The following FLYWCH1 variants were observed in gnomAD, a reference collection of about 807,000 sequenced individuals.
The protein encoded by FLYWCH1 is FLYWCH-type zinc finger 1.
Under a neutral mutation model 66.4 loss-of-function variants are expected in FLYWCH1, and 75 were observed. The observed-to-expected ratio is 1.13, with a 90% confidence interval of 0.94 to 1.37. The LOEUF (loss-of-function observed/expected upper bound fraction) is 1.37, where lower values mean the gene tolerates loss of function less well. Ranked by LOEUF, FLYWCH1 falls within the 40% of genes most tolerant of loss-of-function variation. FLYWCH1 has a pLI of 0.00. For synonymous variants in FLYWCH1, 595 were observed against 429.9 expected (o/e 1.38, Z -4.75); for missense variants, 1,334 against 1,001.8 (o/e 1.33, Z -4.48).
intron 6 of FLYWCH1, chr16:2,936,430 T>C (rs739716): frequency 0.25 from 111,314 of 454,310 alleles, 15,532 homozygotes; most frequent in Admixed American, 0.34. Flanking sequence ...TTGAAGGTAG[T>C]TCCACAGCCA....
chr16:2,921,710 A>G (rs1177003973), intron 2 of FLYWCH1, among the ~76,000 whole-genome samples: 1 of 148,028 alleles, frequency 6.8e-6, no homozygotes, highest in East Asian at 2.0e-4. Context: ...TGTAGTGATC[A>G]CGCCACCACA....
At chr16:2,936,943 C>T in intron 6 of FLYWCH1, 178 bp from the exon 7 acceptor site, 1 of 841,692 alleles carries the variant, frequency 1.2e-6, no homozygotes, top group Non-Finnish European at 1.8e-6. Context: ...GGAGGCGGAC[C>T]CCAGCAGCTG....
chr16:2,935,090 T>A (rs1053056939), intron 6 of FLYWCH1: 1 of 153,264 alleles, frequency 6.5e-6, no homozygotes, highest in South Asian at 2.0e-4. Context: ...CGCCCAGCTA[T>A]TTTTGTATAT....
At chr16:2,946,316 CTTTTTTTTT>C (rs58279573) in intron 9 of FLYWCH1, among the ~76,000 whole-genome samples, 1 of 75,548 alleles carries the variant, frequency 1.3e-5, no homozygotes, top group Admixed American at 1.8e-4. Context: ...GTGGGCTGTA[CTTTTTTTTT>C]TTTTTTTTTT....
In FLYWCH1 at chr16:2,948,910, C is replaced by T. The variant is rs9928269; in HGVS notation, c.*183C>T. ...GAATTCTTGGATGGTGTCCTCATGT[C>T]GGCGGAGAACAGTGCTCAGAGCTGG... is the stretch of plus-strand genomic sequence containing the variant. On this transcript the variant is annotated 3_prime_UTR_variant, in exon 10 of 10. Coordinates refer to ENST00000253928, the MANE Select transcript of FLYWCH1 (RefSeq NM_001308068.2). 133,286 of 593,528 alleles carry T rather than the reference C, an allele frequency of 0.22. 18,686 individuals carry two copies. Among genetic ancestry groups the T allele is most frequent in the East Asian group, 0.44 (15,299 of 34,532 alleles). 36.8% of individuals were successfully genotyped at this position (593,528 alleles called of 1,614,324 possible).
chr16:2,930,513 G>T lies in FLYWCH1; in HGVS notation c.429G>T (p.Val143=). The change falls in exon 4 of 10, where the codon GTG becomes GTT. Residue 143 remains valine (V), a synonymous_variant. Coordinates refer to ENST00000253928, the MANE Select transcript of FLYWCH1 (RefSeq NM_001308068.2). ...YKQEKAVGDK[V]YWKCRQHAEL... is the part of the protein sequence containing the mutation. The stretch of plus-strand genomic sequence containing the variant: ...AGGAGAAGGCAGTGGGGGACAAGGT[G>T]TACTGGAAGTGCCGCCAACATGCTG... 1 of 1,542,688 alleles carries T rather than the reference G, an allele frequency of 6.5e-7. No homozygotes were observed. The highest frequency in any genetic ancestry group is 8.7e-7 in the Non-Finnish European group (1 of 1,149,436).
At chr16:2,927,264 A>G (rs1418088505) in intron 2 of FLYWCH1, among the ~76,000 whole-genome samples, 1 of 152,206 alleles carries the variant, frequency 6.6e-6, no homozygotes, top group Non-Finnish European at 1.5e-5. Context: ...GCACGCGATC[A>G]TTGATGAAGC....
rs1178516607 is a variant in FLYWCH1 at position 2,938,290 on chromosome 16, C to T, written c.1884C>T (p.Tyr628=). The T allele has an allele frequency of 7.4e-6, 12 of 1,612,116 alleles. No homozygotes were observed. Among genetic ancestry groups the T allele is most frequent in the South Asian group, 5.5e-5 (5 of 90,962 alleles). ...AGAAGGCGGCTGGGGAGAAGGTGTACTGGATGTGCCGGGACCAGGCTCGGC... is the reference window on the plus strand; with the variant it reads ...AGAAGGCGGCTGGGGAGAAGGTGTATTGGATGTGCCGGGACCAGGCTCGGC... ...RKEKAAGEKV[Y]WMCRDQARLG... Residue 628 remains tyrosine (Y), a synonymous_variant, in exon 8 of 10, where the codon TAC becomes TAT. Transcript: ENST00000253928.
chr16:2,930,911 A>G (rs113349560), intron 4 of FLYWCH1, 31 bp downstream of exon 4: 4 of 1,522,960 alleles, frequency 2.6e-6, no homozygotes, highest in African/African-American at 2.8e-5. Flanking sequence ...TGCTGCGTCC[A>G]CTCGGGGCAG....
chr16:2,934,311 C>G (rs2070905166), intron 6 of FLYWCH1, among the ~76,000 whole-genome samples: 1 of 152,178 alleles, frequency 6.6e-6, no homozygotes. Context: ...CATGGTCAGT[C>G]TCGTTGCTAT....
Position 2,938,246 on chromosome 16 carries a change from T to C in FLYWCH1, c.1840T>C (p.Ser614Pro). 6.2e-7 allele frequency: 1 copy of C among 1,613,138 alleles called. No homozygotes were observed. ...SLGGRFLVHE[S>P]FLYRKEKAAG... Reference sequence around the variant, plus strand: ...GGGGGGCAGGTTCCTGGTGCACGAGTCCTTCCTCTACAGGAAGGAGAAGGC... The same window carrying C: ...GGGGGGCAGGTTCCTGGTGCACGAGCCCTTCCTCTACAGGAAGGAGAAGGC... The change falls in exon 8 of 10, where the codon TCC (serine) becomes CCC (proline). Residue 614 changes from serine to proline, a missense_variant. Ser to Pro is a moderately conservative substitution (Grantham distance 74, BLOSUM62 -1). Coordinates refer to ENST00000253928, the MANE Select transcript of FLYWCH1 (RefSeq NM_001308068.2).
Position 2,938,406 on chromosome 16 carries a change from C to G in FLYWCH1, c.2000C>G (p.Ala667Gly), listed in dbSNP as rs546832552. 307 of 1,544,144 alleles carry G rather than the reference C, an allele frequency of 2.0e-4. No homozygotes were observed. Among genetic ancestry groups the G allele is most frequent in the Middle Eastern group, 1.2e-3 (7 of 5,720 alleles). Residue 667 changes from alanine (A) to glycine (G), a missense_variant, in exon 8 of 10, where the codon GCC becomes GGC. Ala to Gly is a moderately conservative substitution (Grantham distance 60). Coordinates refer to ENST00000253928, the MANE Select transcript of FLYWCH1 (RefSeq NM_001308068.2). ...CHQPDLAGLE[A>G]LRQRERLPTT... ...CAGCCTGACCTGGCAGGCCTGGAGG[C>G]CTTGAGGCAACGGGAGCGGCTCCCC...
intron 6 of FLYWCH1, chr16:2,936,013 G>T: frequency 5.5e-6 from 1 of 183,392 alleles, no homozygotes; most frequent in Non-Finnish European, 1.2e-5. Flanking sequence ...AGGTTCAAGT[G>T]ATTTTCCTGT....
chr16:2,936,341 C>A (rs1245904039), intron 6 of FLYWCH1: 1 of 454,714 alleles, frequency 2.2e-6, no homozygotes, highest in Non-Finnish European at 4.4e-6. Flanking sequence ...GGCTCCTGTG[C>A]TGCTGTGCCC....
In FLYWCH1 at chr16:2,948,544, CAG is replaced by C. The variant is rs1374701137; in HGVS notation, c.2112-141_2112-140del. On this transcript the variant is annotated intron_variant, in intron 9 of 9. Coordinates refer to ENST00000253928, the MANE Select transcript of FLYWCH1 (RefSeq NM_001308068.2). ...CACCACTGCACTCCAGCCTGGGTGACAGAGCAAGATTCCGTCTCAAAAATAAA... is the reference window on the plus strand; with the variant it reads ...CACCACTGCACTCCAGCCTGGGTGACAGCAAGATTCCGTCTCAAAAATAAA... The C allele has an allele frequency of 2.3e-5, 19 of 822,026 alleles. 1 individual carries two copies. In the Admixed American group the frequency reaches 3.0e-4, roughly 13 times the overall value. The allele number at this position is 822,026 out of a possible 1,614,324, so 50.9% of individuals were successfully genotyped here.
chr16:2,927,917 T>C (rs2070630057), intron 2 of FLYWCH1, among the ~76,000 whole-genome samples: 1 of 152,240 alleles, frequency 6.6e-6, no homozygotes, highest in African/African-American at 2.4e-5. Flanking sequence ...TATTTATTGA[T>C]GACTATTTTT....
At chr16:2,937,033 G>A in intron 6 of FLYWCH1, 88 bp from the exon 7 acceptor site, 5 of 1,227,188 alleles carry the variant, frequency 4.1e-6, no homozygotes, top group African/African-American at 2.3e-5. Context: ...GGAGGTGTGG[G>A]CGTTGTGGGA....
chr16:2,930,081 C>A, intron 3 of FLYWCH1, 71 bp downstream of exon 3: 4 of 1,331,760 alleles, frequency 3.0e-6, no homozygotes, highest in Non-Finnish European at 4.2e-6. Flanking sequence ...CCCTGTACAC[C>A]CTGCTTCAAG....
chr16:2,932,655 A>G (rs1168046397), intron 4 of FLYWCH1, among the ~76,000 whole-genome samples: 2 of 152,060 alleles, frequency 1.3e-5, no homozygotes, highest in Admixed American at 6.6e-5. Context: ...ATCTTTTCGA[A>G]CCATTTGAAT....
Sources: gnomAD v4.1 joint callset for allele counts (sites outside exome capture counted in the v4.1 genomes callset) on GRCh38, gnomAD v4.1.1 for gene constraint, MANE v1.5 for transcripts, NCBI Gene and HGNC (gene_info 2026-07-23, HGNC 2026-07-21) for gene names.